The following DLG2 variants were observed in gnomAD, a reference collection of about 807,000 sequenced individuals.
DLG2 encodes the protein discs large MAGUK scaffold protein 2.
A neutral mutation model predicts 132.5 loss-of-function variants in DLG2; 45 were observed. The observed-to-expected ratio is 0.34, with a 90% CI of 0.27 to 0.44. DLG2 has a LOEUF of 0.44. Among genes scored for constraint, DLG2 ranks in the 20% least tolerant of loss-of-function variants. The pLI is 1.00. For synonymous variants in DLG2, 424 were observed against 419.6 expected, an observed-to-expected ratio of 1.01 and a Z score of -0.13; for missense variants, 1,045 against 1,196.9, an observed-to-expected ratio of 0.87 and a Z score of 1.87.
rs1285503836 is a variant in DLG2 at position 84,923,299 on chromosome 11, C to T, written c.357+188362G>A. 4.2e-6 allele frequency: 6 copies of T among 1,433,634 alleles called. No homozygotes were observed. In the East Asian group the frequency reaches 1.3e-4, roughly 31 times the overall value. The allele number at this position is 1,433,634 out of a possible 1,614,324, so 88.8% of individuals were successfully genotyped here. ...ATGTCTTGAAGGCACTGAGTGAGAG[C>T]TCAAAATCTCTTCATTGGCTATATA... is the stretch of plus-strand genomic sequence containing the variant. On this transcript the variant is annotated intron_variant, in intron 6 of 27. Transcript: ENST00000376104.
At chr11:84,951,671 C>T (rs903133521) in intron 6 of DLG2, among the ~76,000 whole-genome samples, 1 of 149,050 alleles carries the variant, frequency 6.7e-6, no homozygotes, top group Admixed American at 6.7e-5. Flanking sequence ...TATATATATA[C>T]ACACACATAT....
chr11:84,230,742 T>C (rs559426806), intron 8 of DLG2, among the ~76,000 whole-genome samples: 18 of 152,148 alleles, frequency 1.2e-4, no homozygotes, highest in Non-Finnish European at 8.8e-5. Context: ...AAAAAAATTA[T>C]GCAATTTCAC....
At chr11:83,618,721 T>A (rs688997) in intron 19 of DLG2, among the ~76,000 whole-genome samples, 99,540 of 151,970 alleles carry the variant, frequency 0.65, 33,208 homozygotes, top group African/African-American at 0.78. Flanking sequence ...ACAGGACTTA[T>A]CATTTCATTC....
chr11:84,699,545 G>A (rs545899985), intron 6 of DLG2, among the ~76,000 whole-genome samples: 3 of 151,564 alleles, frequency 2.0e-5, no homozygotes, highest in South Asian at 4.2e-4. Flanking sequence ...GACTGTTGGA[G>A]TTCTTATTCC....
At chr11:84,981,914 T>C (rs2055810682) in intron 6 of DLG2, among the ~76,000 whole-genome samples, 1 of 152,114 alleles carries the variant, frequency 6.6e-6, no homozygotes, top group African/African-American at 2.4e-5. Context: ...TGTCACAAAA[T>C]CCAATGAAAG....
chr11:85,559,780 A>G (rs1000328168), intron 3 of DLG2, among the ~76,000 whole-genome samples: 2 of 150,308 alleles, frequency 1.3e-5, no homozygotes, highest in African/African-American at 2.4e-5. Flanking sequence ...AAAATCTAAA[A>G]TACACACACA....
chr11:84,685,481 C>A (rs1340414363), intron 6 of DLG2, among the ~76,000 whole-genome samples: 1 of 152,206 alleles, frequency 6.6e-6, no homozygotes, highest in Admixed American at 6.5e-5. Flanking sequence ...TACAGCCTAT[C>A]TCCCAGATCC....
At chr11:83,986,267 T>A (rs1592407002) in intron 11 of DLG2, among the ~76,000 whole-genome samples, 2 of 148,478 alleles carry the variant, frequency 1.3e-5, no homozygotes, top group South Asian at 2.2e-4. Context: ...TGTCCATGTG[T>A]TCTCATTGTT....
chr11:85,037,357 C>T (rs1394384396), intron 6 of DLG2, among the ~76,000 whole-genome samples: 1 of 152,030 alleles, frequency 6.6e-6, no homozygotes, highest in Non-Finnish European at 1.5e-5. Flanking sequence ...TTCTCTGAGA[C>T]TAAGTTTCTT....
At chr11:84,238,544 A>T (rs77606695) in intron 8 of DLG2, among the ~76,000 whole-genome samples, 1 of 151,770 alleles carries the variant, frequency 6.6e-6, no homozygotes, top group Non-Finnish European at 1.5e-5. Context: ...AAAAAAAAAA[A>T]GCCAAGCAAG....
intron 4 of DLG2, among the ~76,000 whole-genome samples, chr11:85,164,961 T>C (rs530021278): frequency 1.6e-4 from 25 of 152,158 alleles, no homozygotes; most frequent in South Asian, 1.0e-3. Flanking sequence ...CTTAGCAAGA[T>C]CAACTCTTCA....
intron 6 of DLG2, among the ~76,000 whole-genome samples, chr11:84,807,338 C>T (rs1361620849): frequency 1.3e-5 from 2 of 151,984 alleles, no homozygotes; most frequent in African/African-American, 4.8e-5. Context: ...CCCAGCTACT[C>T]AGGAGACTGA....
chr11:85,054,119 G>T (rs1329868884), intron 6 of DLG2, among the ~76,000 whole-genome samples: 1 of 151,850 alleles, frequency 6.6e-6, no homozygotes, highest in African/African-American at 2.4e-5. Flanking sequence ...ACAAAATTTA[G>T]CTGGGTGTGC....
intron 6 of DLG2, among the ~76,000 whole-genome samples, chr11:84,998,404 T>C (rs2057885412): frequency 6.6e-6 from 1 of 152,176 alleles, no homozygotes; most frequent in African/African-American, 2.4e-5. Flanking sequence ...CCTTCCACCA[T>C]GATTCTAAGT....
intron 18 of DLG2, among the ~76,000 whole-genome samples, chr11:83,772,148 C>T (rs2094419163): frequency 6.6e-6 from 1 of 152,116 alleles, no homozygotes; most frequent in Admixed American, 6.5e-5. Context: ...TGGCTCATGC[C>T]TGTAATCCTA....
chr11:84,198,442 T>A (rs1454026), intron 8 of DLG2, among the ~76,000 whole-genome samples: 110,144 of 151,982 alleles, frequency 0.72, 41,879 homozygotes, highest in Middle Eastern at 0.87. Context: ...AATTTTATTT[T>A]AAAAAATTGA....
At chr11:83,747,094 A>G (rs879451157) in intron 18 of DLG2, among the ~76,000 whole-genome samples, 12 of 152,118 alleles carry the variant, frequency 7.9e-5, no homozygotes, top group Non-Finnish European at 1.6e-4. Context: ...AAATGAGGAG[A>G]AGTGGTGGGA....
intron 6 of DLG2, among the ~76,000 whole-genome samples, chr11:84,814,194 T>C (rs1369393969): frequency 6.6e-6 from 1 of 152,084 alleles, no homozygotes; most frequent in Admixed American, 6.6e-5. Flanking sequence ...TGATCATTCA[T>C]GTGAATTAGT....
At chr11:84,213,243 T>C (rs1469654568) in intron 8 of DLG2, among the ~76,000 whole-genome samples, 1 of 152,200 alleles carries the variant, frequency 6.6e-6, no homozygotes, top group Non-Finnish European at 1.5e-5. Flanking sequence ...ATACCCTTTG[T>C]AGTCATCTCA....
Sources: allele counts gnomAD v4.1 joint callset (sites outside exome capture counted in the v4.1 genomes callset), GRCh38; gene constraint gnomAD v4.1.1; transcripts MANE v1.5; gene names NCBI Gene and HGNC (gene_info 2026-07-23, HGNC 2026-07-21).